ERMP1: variants seen among roughly 807,000 people sequenced by gnomAD.
The protein encoded by ERMP1 is endoplasmic reticulum metallopeptidase 1.
In ERMP1, 86 loss-of-function variants were observed where a neutral mutation model predicts 92.0. That is an observed-to-expected ratio of 0.93 (90% CI 0.79 to 1.12). The LOEUF is 1.12. Ranked by LOEUF, ERMP1 falls within the 50% of genes most tolerant of loss-of-function variation. ERMP1 has a pLI of 0.00. For synonymous variants in ERMP1, 530 were observed against 412.8 expected, an observed-to-expected ratio of 1.28 and a Z score of -3.44; for missense variants, 1,342 against 1,116.3, an observed-to-expected ratio of 1.20 and a Z score of -2.88.
rs7863415 is a variant in ERMP1 at position 5,796,400 on chromosome 9, A to G, written c.2386+1417T>C. On this transcript the variant is annotated intron_variant, in intron 13 of 14. Transcript: ENST00000339450. ...TTGGCAGTTTCTTACAAAGCTAAACATAGGCTTACCATATATAATATCCAG... is the reference window on the plus strand; with the variant it reads ...TTGGCAGTTTCTTACAAAGCTAAACGTAGGCTTACCATATATAATATCCAG... Among the ~76,000 whole-genome samples the G allele has an allele frequency of 8.6e-3, 1,310 of 152,352 alleles. 28 individuals carry two copies. The highest frequency in any genetic ancestry group is 0.03 in the African/African-American group (1,262 of 41,582).
At chr9:5,838,013 C>G (rs894134136), upstream of ERMP1, among the ~76,000 whole-genome samples, 2 of 152,016 alleles carry the variant, frequency 1.3e-5, no homozygotes, top group Non-Finnish European at 2.9e-5. Flanking sequence ...AAAGGGCATT[C>G]CAAAAGGCAC....
upstream of ERMP1, among the ~76,000 whole-genome samples, chr9:5,835,604 G>C (rs79075332): frequency 0.023 from 3,532 of 152,300 alleles, 81 homozygotes; most frequent in Middle Eastern, 0.11. Flanking sequence ...CGTCGAATAA[G>C]GCATGCACTA....
chr9:5,861,170 G>GGTGTGTGTGTGTGTGT (rs35593711), intron 5 of ERMP1, among the ~76,000 whole-genome samples: 29 of 102,138 alleles, frequency 2.8e-4, no homozygotes, highest in Admixed American at 5.4e-4. Context: ...TGGCTTAGGG[G>GGTGTGTGTGTGTGTGT]GTGTGTGTGT....
At chr9:5,840,562 C>T (rs1030500023) in intron 6 of ERMP1, among the ~76,000 whole-genome samples, 1 of 152,252 alleles carries the variant, frequency 6.6e-6, no homozygotes, top group Non-Finnish European at 1.5e-5. Flanking sequence ...GACTGCATAG[C>T]ACCTTGCCAC....
At chr9:5,812,044 C>G (rs538278130) in intron 6 of ERMP1, 81 bp downstream of exon 6, 28 of 884,460 alleles carry the variant, frequency 3.2e-5, no homozygotes, top group Non-Finnish European at 5.0e-5. Context: ...AATGCACAGG[C>G]CACAGAATAT....
intron 1 of ERMP1, 51 bp downstream of exon 1, chr9:5,832,639 C>A (rs761762131): frequency 7.6e-7 from 1 of 1,322,722 alleles, no homozygotes; most frequent in Non-Finnish European, 9.7e-7. Flanking sequence ...GGAGCCTGCG[C>A]AGGAGCCGCA....
intron 10 of ERMP1, among the ~76,000 whole-genome samples, chr9:5,803,178 C>T (rs1828739004): frequency 6.6e-6 from 1 of 152,124 alleles, no homozygotes; most frequent in African/African-American, 2.4e-5. Flanking sequence ...TCTCCATTAC[C>T]CAAAGAAAAC....
intron 4 of ERMP1, among the ~76,000 whole-genome samples, chr9:5,823,514 C>T (rs963299609): frequency 1.3e-5 from 2 of 152,104 alleles, no homozygotes; most frequent in African/African-American, 4.8e-5. Context: ...AGTTTCTGGA[C>T]CCGGACTGTC....
intron 4 of ERMP1, among the ~76,000 whole-genome samples, chr9:5,823,000 C>G (rs146055340): frequency 4.6e-5 from 7 of 152,118 alleles, no homozygotes; most frequent in Admixed American, 4.6e-4. Flanking sequence ...AACTATTTCT[C>G]TGGGCCAGGC....
chr9:5,845,900 T>TG (rs1830228416), intron 6 of ERMP1, among the ~76,000 whole-genome samples: 1 of 152,170 alleles, frequency 6.6e-6, no homozygotes, highest in Non-Finnish European at 1.5e-5. Context: ...GTGTAACTGT[T>TG]GTTCAGGCCC....
intron 4 of ERMP1, among the ~76,000 whole-genome samples, chr9:5,815,286 T>C (rs1829257280): frequency 6.6e-6 from 1 of 152,126 alleles, no homozygotes; most frequent in South Asian, 2.1e-4. Flanking sequence ...AAATGGCTGA[T>C]TCCAGGTCTG....
chr9:5,833,988 A>G (rs907320750), upstream of ERMP1, among the ~76,000 whole-genome samples: 1 of 152,214 alleles, frequency 6.6e-6, no homozygotes, highest in African/African-American at 2.4e-5. Context: ...GAGTTGCTAC[A>G]TTAGCATGAG....
At position 5,817,120 on chromosome 9, in the gene ERMP1, G is replaced by C. The variant is rs140495262; in HGVS notation, c.875-4085C>G. 9.3e-4 allele frequency among the ~76,000 whole-genome samples: 141 copies of C among 151,972 alleles called. 1 individual carries two copies. Among genetic ancestry groups the C allele is most frequent in the African/African-American group, 3.3e-3 (136 of 41,454 alleles). ...TCACCATGTTATCCAGGAAGGTCTC[G>C]ATCTCCTGACCTCGTGATCCGCCTG... On this transcript the variant is annotated intron_variant, in intron 4 of 14. Transcript: ENST00000339450.
At chr9:5,805,250 T>G in intron 9 of ERMP1, 33 bp from the exon 10 acceptor site, 2 of 1,524,274 alleles carry the variant, frequency 1.3e-6, no homozygotes, top group Non-Finnish European at 1.8e-6. Context: ...CACACATCTA[T>G]GAAATCCTCC....
intron 10 of ERMP1, 67 bp from the exon 11 acceptor site, chr9:5,801,395 C>A: frequency 1.3e-6 from 2 of 1,511,634 alleles, no homozygotes; most frequent in Non-Finnish European, 9.0e-7. Flanking sequence ...GTGTTTTTAA[C>A]TAACTTTATT....
rs576440726 is a variant in ERMP1, at chr9:5,790,885, A to C, written c.2387-3292T>G. Among the ~76,000 whole-genome samples the C allele has an allele frequency of 2.6e-4, 40 of 152,356 alleles. No individual in the cohort carries two copies. The South Asian group carries it at 8.1e-3, about 31-fold the overall frequency. On this transcript the variant is annotated intron_variant, in intron 13 of 14. Transcript: ENST00000339450. ...CTTTGTGGGGTGATGGAAATGTTTT[A>C]TATCTTCATAGAGATGAGGGTTACA...
upstream of ERMP1, among the ~76,000 whole-genome samples, chr9:5,836,545 G>T (rs1016008624): frequency 6.6e-6 from 1 of 152,240 alleles, no homozygotes; most frequent in East Asian, 1.9e-4. Flanking sequence ...GTTGCGGATA[G>T]CTTGGTTTTC....
chr9:5,858,231 T>C (rs1054210395), intron 6 of ERMP1, among the ~76,000 whole-genome samples: 1 of 151,938 alleles, frequency 6.6e-6, no homozygotes, highest in African/African-American at 2.4e-5. Flanking sequence ...GGAACCCAGA[T>C]TGGGGAAGTA....
chr9:5,813,309 A>G (rs1221292150), intron 4 of ERMP1, among the ~76,000 whole-genome samples: 1 of 152,222 alleles, frequency 6.6e-6, no homozygotes, highest in Non-Finnish European at 1.5e-5. Flanking sequence ...CTATCATCCT[A>G]AAATGCCTAT....
Sources: gnomAD v4.1 joint callset for allele counts (sites outside exome capture counted in the v4.1 genomes callset) on GRCh38, gnomAD v4.1.1 for gene constraint, MANE v1.5 for transcripts, NCBI Gene and HGNC (gene_info 2026-07-23, HGNC 2026-07-21) for gene names.